AKNA: variants seen among roughly 807,000 people sequenced by gnomAD.
The protein encoded by AKNA is AT-hook transcription factor.
A neutral mutation model predicts 138.8 loss-of-function variants in AKNA; 67 were observed. The observed-to-expected ratio is 0.48, with a 90% confidence interval of 0.40 to 0.59. The LOEUF (loss-of-function observed/expected upper bound fraction) is 0.59. Among genes scored for constraint, AKNA ranks in the 20% least tolerant of loss-of-function variants. The pLI, the probability that AKNA is intolerant of heterozygous loss-of-function variation, is 0.00. For missense variants in AKNA, 1,813 were observed against 1,880.4 expected, an observed-to-expected ratio of 0.96 and a Z score of 0.66; for synonymous variants, 737 against 754.4, an observed-to-expected ratio of 0.98 and a Z score of 0.38.
Position 114,369,910 on chromosome 9 carries a change from C to CA in AKNA, c.1417-1316dup, listed in dbSNP as rs200416650. On this transcript the variant is annotated intron_variant, in intron 4 of 21. Transcript: ENST00000374088. The stretch of plus-strand genomic sequence containing the variant: ...TAACCATCACCGTCATCATCGTAAC[C>CA]ATCACCATTATCACCATCACCGTTA... Among the ~76,000 whole-genome samples, 27 of 152,322 alleles carry CA rather than the reference C, an allele frequency of 1.8e-4. No homozygotes were observed. The East Asian group carries it at 4.4e-3, about 25-fold the overall frequency.
At chr9:114,366,909 C>T (rs533512444) in intron 6 of AKNA, among the ~76,000 whole-genome samples, 1 of 152,280 alleles carries the variant, frequency 6.6e-6, no homozygotes, top group Admixed American at 6.5e-5. Flanking sequence ...TCCAACAGAA[C>T]ATTTTATTTA....
chr9:114,385,553 GCCCAAT>G (rs1378426351), intron 1 of AKNA, among the ~76,000 whole-genome samples: 3 of 152,250 alleles, frequency 2.0e-5, no homozygotes, highest in Admixed American at 6.5e-5. Context: ...AGAGCAGCCT[GCCCAAT>G]CACAGAGCCC....
intron 15 of AKNA, among the ~76,000 whole-genome samples, chr9:114,348,559 T>C (rs914697034): frequency 7.2e-5 from 11 of 152,164 alleles, no homozygotes; most frequent in Non-Finnish European, 1.6e-4. Flanking sequence ...GAGGGCTGAC[T>C]AAGAGCAGGC....
chr9:114,380,376 G>T (rs996681242), intron 2 of AKNA, among the ~76,000 whole-genome samples: 6 of 152,282 alleles, frequency 3.9e-5, no homozygotes, highest in African/African-American at 1.4e-4. Flanking sequence ...TGTGGGAGAG[G>T]ATTTGATGAA....
rs1322211856 is a variant in AKNA at position 114,387,859 on chromosome 9, C to CCT, written c.-115_-114dup. The CCT allele has an allele frequency of 2.2e-6, 1 of 453,664 alleles. No homozygotes were observed. The highest frequency in any genetic ancestry group is 2.0e-5 in the African/African-American group (1 of 50,028). The allele number at this position is 453,664 out of a possible 1,614,324, so 28.1% of individuals were successfully genotyped here. ...GGCCCTCCTCCGTTCCAATCCCTTA[C>CCT]CTCTCTCGGGCTCCACCACCGTCCT... On this transcript the variant is annotated splice_region_variant and 5_prime_UTR_variant. Coordinates refer to ENST00000374088, the MANE Select transcript of AKNA (RefSeq NM_001317950.2).
chr9:114,361,499 T>C (rs1264489472), intron 9 of AKNA, among the ~76,000 whole-genome samples: 1 of 152,140 alleles, frequency 6.6e-6, no homozygotes, highest in Non-Finnish European at 1.5e-5. Flanking sequence ...AGACGCCACC[T>C]TCCCTGCCAC....
In AKNA at chr9:114,393,770, A is replaced by T. The variant is rs187997779; in HGVS notation, c.-114+587T>A. Among the ~76,000 whole-genome samples the T allele has an allele frequency of 3.5e-3, 529 of 151,748 alleles. 4 individuals are homozygous for T. The highest frequency in any genetic ancestry group is 0.012 in the African/African-American group (505 of 41,440). On this transcript the variant is annotated intron_variant, in intron 1 of 21. Coordinates refer to the AKNA transcript ENST00000307564. ...ATATATCTAGTTTGAGTCCACTTAA[A>T]AAAAAAAACAGTAAAATATGGAGGA...
At chr9:114,367,471 C>T (rs779748586) in intron 6 of AKNA, 72 bp downstream of exon 6, 55 of 1,558,652 alleles carry the variant, frequency 3.5e-5, no homozygotes, top group Non-Finnish European at 4.8e-5. Flanking sequence ...TGCCTCTCAC[C>T]CAAGCAGGCA....
At chr9:114,357,319 T>C (rs1588972636) in intron 12 of AKNA, among the ~76,000 whole-genome samples, 1 of 152,200 alleles carries the variant, frequency 6.6e-6, no homozygotes, top group Non-Finnish European at 1.5e-5. Context: ...CCTGGAATAC[T>C]ATGGTCTTAT....
At chr9:114,370,032 G>T (rs1471199002) in intron 4 of AKNA, among the ~76,000 whole-genome samples, 1 of 152,198 alleles carries the variant, frequency 6.6e-6, no homozygotes, top group Non-Finnish European at 1.5e-5. Context: ...ATGTTGGGGG[G>T]TTATCTTAAC....
chr9:114,331,739 C>A (rs577330700), downstream of AKNA: 20 of 1,585,220 alleles, frequency 1.3e-5, no homozygotes, highest in South Asian at 2.2e-4. Context: ...TCACCCACCC[C>A]TGGGCTGGCC....
chr9:114,343,689 T>C lies in AKNA; in HGVS notation c.3757+19A>G. The stretch of plus-strand genomic sequence containing the variant: ...CAGCCACAGCTGCCTGGGCCAGTTT[T>C]CCAGGTGCCATTCCTTACCCGCATC... On this transcript the variant is annotated intron_variant, in intron 19 of 21. Coordinates refer to ENST00000374088, the MANE Select transcript of AKNA (RefSeq NM_001317950.2). The C allele has an allele frequency of 6.2e-7, 1 of 1,613,118 alleles. No homozygotes were observed. The highest frequency in any genetic ancestry group is 8.5e-7 in the Non-Finnish European group (1 of 1,179,024).
chr9:114,376,737 G>C lies in AKNA; in HGVS notation c.1070C>G (p.Pro357Arg), dbSNP rs753251376. The change falls in exon 3 of 22, where the codon CCA becomes CGA. Residue 357 changes from proline to arginine, a missense_variant. By Grantham distance (103) the Pro-to-Arg change is moderately radical (BLOSUM62 -2). Transcript: ENST00000374088. ...CCCTACCTTGGAGAAATCAGGGAGT[G>C]GGTAGTTCAACTGCCCCCGGCCATA... ...PKYGRGQLNY[P>R]LPDFSKVGPR... 6.2e-7 allele frequency: 1 copy of C among 1,612,770 alleles called. No homozygotes were observed. The highest frequency in any genetic ancestry group is 1.1e-5 in the South Asian group (1 of 90,960).
chr9:114,377,191 C>A lies in AKNA; in HGVS notation c.616G>T (p.Val206Leu). 1 of 1,614,200 alleles carries A rather than the reference C, an allele frequency of 6.2e-7. No individual in the cohort carries two copies. Among genetic ancestry groups the A allele is most frequent in the Non-Finnish European group, 8.5e-7 (1 of 1,180,020 alleles). The stretch of plus-strand genomic sequence containing the variant: ...CTGTCACTAGGGTGGTCGAGGCTCA[C>A]TGTCCCACTGCTCCAGGACCTTGCC... ...SPARSWSSGT[V>L]SLDHPSDSLD... The change falls in exon 3 of 22, where the codon GTG (valine) becomes TTG (leucine). Residue 206 changes from valine to leucine, a missense_variant. Val to Leu is a conservative substitution (Grantham distance 32, BLOSUM62 1). Coordinates refer to ENST00000374088, the MANE Select transcript of AKNA (RefSeq NM_001317950.2).
intron 14 of AKNA, 29 bp from the exon 15 acceptor site, chr9:114,351,050 G>A (rs1023325397): frequency 2.5e-6 from 4 of 1,607,610 alleles, no homozygotes; most frequent in Non-Finnish European, 3.4e-6. Flanking sequence ...AACCCAAAGT[G>A]AGTTTAAGCA....
upstream of AKNA, among the ~76,000 whole-genome samples, chr9:114,397,860 C>T (rs189865978): frequency 6.6e-6 from 1 of 152,184 alleles, no homozygotes; most frequent in Admixed American, 6.5e-5. Flanking sequence ...CCTTCCCCCC[C>T]GCGACAAAAA....
chr9:114,347,695 A>G, intron 16 of AKNA, 29 bp downstream of exon 16: 1 of 1,500,808 alleles, frequency 6.7e-7, no homozygotes, highest in South Asian at 1.3e-5. Context: ...TGCCACCAGG[A>G]CAGAGGTGGG....
At chr9:114,391,868 A>C (rs1317632630), upstream of AKNA, among the ~76,000 whole-genome samples, 1 of 149,704 alleles carries the variant, frequency 6.7e-6, no homozygotes, top group Non-Finnish European at 1.5e-5. Context: ...AAAAAAAAAA[A>C]AAAAAACACC....
At chr9:114,363,958 T>C (rs895336099) in intron 7 of AKNA, among the ~76,000 whole-genome samples, 2 of 152,152 alleles carry the variant, frequency 1.3e-5, no homozygotes, top group Non-Finnish European at 2.9e-5. Context: ...ACCACCGTTA[T>C]CTAAAACTCC....
Sources: allele counts gnomAD v4.1 joint callset (sites outside exome capture counted in the v4.1 genomes callset), GRCh38; gene constraint gnomAD v4.1.1; transcripts MANE v1.5; gene names NCBI Gene and HGNC (gene_info 2026-07-23, HGNC 2026-07-21).